STK25: variants seen among roughly 807,000 people sequenced by gnomAD.
The protein encoded by STK25 is serine/threonine kinase 25, also known as serine/threonine-protein kinase 25.
Under a neutral mutation model 53.8 loss-of-function variants are expected in STK25, and 29 were observed. That is an observed-to-expected ratio of 0.54 (90% CI 0.40 to 0.74). The LOEUF is 0.74. STK25 is among the 30% of genes least tolerant of loss of function. The probability of loss-of-function intolerance (pLI) is 0.00; values close to 1 mark genes in which losing one functional copy is unlikely to be tolerated. For synonymous variants in STK25, 247 were observed against 238.3 expected, an observed-to-expected ratio of 1.04 and a Z score of -0.33; for missense variants, 420 against 568.0, an observed-to-expected ratio of 0.74 and a Z score of 2.65.
At chr2:241,509,148 A>G (rs950500290), upstream of STK25, 1 of 152,394 alleles carries the variant, frequency 6.6e-6, no homozygotes, top group Non-Finnish European at 1.5e-5. Context: ...AGGGCGCACC[A>G]GGCCTTGGAG....
chr2:241,499,469 G>T, intron 5 of STK25, 55 bp from the exon 6 acceptor site: 1 of 1,579,352 alleles, frequency 6.3e-7, no homozygotes, highest in Non-Finnish European at 8.6e-7. Flanking sequence ...GCTCCACCCC[G>T]GGCCCCCTGA....
chr2:241,496,513 T>C lies in STK25; in HGVS notation c.1126A>G (p.Ser376Gly). Residue 376 changes from serine to glycine, a missense_variant, in exon 11 of 12, where the codon AGC becomes GGC. Physicochemically the swap from Ser to Gly is moderately conservative, Grantham distance 56 (BLOSUM62 0). Coordinates refer to ENST00000316586, the MANE Select transcript of STK25 (RefSeq NM_001271977.2). This position sits in a 1 kb window ranked among gnomAD's most constrained non-coding sequence, Gnocchi z 5.8. The part of the protein sequence containing the change: ...FGELKEKHKQ[S>G]GGSVGALEEL... The stretch of plus-strand genomic sequence containing the variant: ...TCCAGCGCACCCACGCTCCCGCCGC[T>C]CTGCTTGTGCTTCTCTTTGAGCTGT... 1.9e-6 allele frequency: 3 copies of C among 1,613,642 alleles called. No homozygotes were observed. Among genetic ancestry groups the C allele is most frequent in the Non-Finnish European group, 2.5e-6 (3 of 1,179,944 alleles).
In STK25 at chr2:241,501,456, C is replaced by A. The variant is rs751805690; in HGVS notation, c.261+22G>T. On this transcript the variant is annotated intron_variant, in intron 3 of 11. Transcript: ENST00000316586. This position sits in a 1 kb window ranked among gnomAD's most constrained non-coding sequence, Gnocchi z 5.3. The stretch of plus-strand genomic sequence containing the variant: ...AGCCGGGCACAGCACCAGCAGGGTC[C>A]CCGCCTCCCCACAACAGGCACCTTT... The A allele has an allele frequency of 5.0e-6, 8 of 1,608,940 alleles. No individual in the cohort carries two copies. In the South Asian group the frequency reaches 7.7e-5, roughly 16 times the overall value.
rs759485355 is a variant in STK25 at position 241,501,691 on chromosome 2, A to G, written c.48T>C (p.Pro16=). The change falls in exon 3 of 12, where the codon CCT becomes CCC. Residue 16 remains proline (P), a synonymous_variant. Transcript: ENST00000316586. The surrounding 1 kb of genome is among the most constrained non-coding windows in gnomAD (Gnocchi z 5.3). ...GFANQHSRVD[P]EELFTKLDRI... ...GGTCGAGCTTGGTGAAGAGCTCCTC[A>G]GGGTCCACTCGAGAGTGCTGTGGGG... 2.1e-5 allele frequency: 34 copies of G among 1,613,386 alleles called. No individual in the cohort carries two copies. Among genetic ancestry groups the G allele is most frequent in the African/African-American group, 4.0e-5 (3 of 74,914 alleles).
In STK25 at chr2:241,499,425, C is replaced by A. The variant is rs765349404; in HGVS notation, c.428-11G>T. The A allele has an allele frequency of 3.7e-6, 6 of 1,611,468 alleles. No individual in the cohort carries two copies. Among genetic ancestry groups the A allele is most frequent in the Non-Finnish European group, 5.1e-6 (6 of 1,178,640 alleles). Reference sequence around the variant, plus strand: ...GTAGCACGTTGGCAGCTGCTTGACACAGGACAGGCAGGCGTCATCCCAGGC... The same window carrying A: ...GTAGCACGTTGGCAGCTGCTTGACAAAGGACAGGCAGGCGTCATCCCAGGC... On this transcript the variant is annotated splice_polypyrimidine_tract_variant and intron_variant, in intron 5 of 11. Coordinates refer to ENST00000316586, the MANE Select transcript of STK25 (RefSeq NM_001271977.2).
chr2:241,494,316 T>C lies in STK25; in HGVS notation c.*1346A>G. 3 of 395,984 alleles carry C rather than the reference T, an allele frequency of 7.6e-6. No individual in the cohort carries two copies. The highest frequency in any genetic ancestry group is 1.4e-5 in the Non-Finnish European group (3 of 217,030). The allele number at this position is 395,984 out of a possible 1,614,324, so 24.5% of individuals were successfully genotyped here. On this transcript the variant is annotated 3_prime_UTR_variant, in exon 12 of 12. Coordinates refer to ENST00000316586, the MANE Select transcript of STK25 (RefSeq NM_001271977.2). The surrounding 1 kb of genome is among the most constrained non-coding windows in gnomAD (Gnocchi z 4.9). ...ATCCCCCCACCCAGGACCTAGTGCATGCCAGCAGCTATCTGGGGCCCTGGG... is the reference window on the plus strand; with the variant it reads ...ATCCCCCCACCCAGGACCTAGTGCACGCCAGCAGCTATCTGGGGCCCTGGG...
intron 1 of STK25, 63 bp downstream of exon 1, chr2:241,508,380 C>CCCAA: frequency 8.9e-7 from 1 of 1,120,024 alleles, no homozygotes; most frequent in Non-Finnish European, 1.1e-6. Flanking sequence ...GAGCCCCGCC[C>CCCAA]CGGGCCCCTC....
chr2:241,496,622 G>C lies in STK25; in HGVS notation c.1105-88C>G. On this transcript the variant is annotated intron_variant, in intron 10 of 11. Coordinates refer to ENST00000316586, the MANE Select transcript of STK25 (RefSeq NM_001271977.2). The surrounding 1 kb of genome is among the most constrained non-coding windows in gnomAD (Gnocchi z 5.8). Reference sequence around the variant, plus strand: ...TTTGCTCGGCCACAGTGATGCCGGAGGCCTTCAGGGCTCTCGCCTAGGAGC... The same window carrying C: ...TTTGCTCGGCCACAGTGATGCCGGACGCCTTCAGGGCTCTCGCCTAGGAGC... 1 of 1,459,798 alleles carries C rather than the reference G, an allele frequency of 6.9e-7. No homozygotes were observed. The highest frequency in any genetic ancestry group is 9.3e-7 in the Non-Finnish European group (1 of 1,079,850). The allele number at this position is 1,459,798 out of a possible 1,614,324, so 90.4% of individuals were successfully genotyped here. A position where few individuals can be genotyped will look rare whatever the true frequency, so the allele number is the denominator to read the frequency against.
At position 241,498,653 on chromosome 2, in the gene STK25, A is replaced by G. The variant is rs2065324290; in HGVS notation, c.903T>C (p.Ser301=). ...CAGGTCCCTACATGTCAGAGTCCTC[A>G]GAGCTGGACTCCTCGCCATGCCCCT... ...KSEGHGEESS[S]EDSDIDGEAE... Residue 301 remains serine (S), a synonymous_variant, in exon 8 of 12, where the codon TCT becomes TCC. Coordinates refer to ENST00000316586, the MANE Select transcript of STK25 (RefSeq NM_001271977.2). 1 of 1,613,778 alleles carries G rather than the reference A, an allele frequency of 6.2e-7. No homozygotes were observed. Among genetic ancestry groups the G allele is most frequent in the Admixed American group, 1.7e-5 (1 of 59,976 alleles).
chr2:241,500,663 C>T, intron 4 of STK25, 77 bp downstream of exon 4: 10 of 1,451,754 alleles, frequency 6.9e-6, no homozygotes, highest in Non-Finnish European at 9.5e-6. Context: ...CGAGAGGTGG[C>T]CCCTGGAGCC....
Position 241,493,811 on chromosome 2 carries a change from G to A in STK25, c.*1851C>T. 1 of 511,862 alleles carries A rather than the reference G, an allele frequency of 2.0e-6. No individual in the cohort carries two copies. The highest frequency in any genetic ancestry group is 3.5e-6 in the Non-Finnish European group (1 of 285,942). 31.7% of individuals were successfully genotyped at this position (511,862 alleles called of 1,614,324 possible). A position where few individuals can be genotyped will look rare whatever the true frequency, so the allele number is the denominator to read the frequency against. On this transcript the variant is annotated 3_prime_UTR_variant, in exon 12 of 12. Coordinates refer to ENST00000316586, the MANE Select transcript of STK25 (RefSeq NM_001271977.2). ...AGGGTTTCACCATGTTGGCCAGGCT[G>A]GTCTCGAACTCCTGACCTCAAGTGA...
intron 4 of STK25, 80 bp from the exon 5 acceptor site, chr2:241,500,361 A>ACAGCCCTTCCCTGTG: frequency 2.0e-6 from 2 of 1,006,420 alleles, no homozygotes; most frequent in Non-Finnish European, 3.1e-6. Flanking sequence ...TCTCACAGGG[A>ACAGCCCTTCCCTGTG]AGGGCTGTCC....
At chr2:241,500,827 GGCA>G in intron 3 of STK25, 31 bp from the exon 4 acceptor site, 1 of 1,611,014 alleles carries the variant, frequency 6.2e-7, no homozygotes, top group Non-Finnish European at 8.5e-7. Context: ...ATCAGCATTT[GGCA>G]GCAAGAGGAA....
In STK25 at chr2:241,508,566, G is replaced by A; in HGVS notation, c.-224C>T. ...CAGCCCGCGAAGCAACGGTGGTGGCGGCAGCGACCGGAGAAAGCCCGGAGG... is the reference window on the plus strand; with the variant it reads ...CAGCCCGCGAAGCAACGGTGGTGGCAGCAGCGACCGGAGAAAGCCCGGAGG... On this transcript the variant is annotated 5_prime_UTR_variant, in exon 1 of 12. Transcript: ENST00000316586. 1.0e-6 allele frequency: 1 copy of A among 991,884 alleles called. No homozygotes were observed. Among genetic ancestry groups the A allele is most frequent in the Non-Finnish European group, 1.2e-6 (1 of 833,718 alleles). 61.4% of individuals were successfully genotyped at this position (991,884 alleles called of 1,614,324 possible). A position where few individuals can be genotyped will look rare whatever the true frequency, so the allele number is the denominator to read the frequency against.
rs573860469 is a variant in STK25, at chr2:241,493,192, G to A, written c.*2470C>T. On this transcript the variant is annotated 3_prime_UTR_variant, in exon 12 of 12. Coordinates refer to ENST00000316586, the MANE Select transcript of STK25 (RefSeq NM_001271977.2). Reference sequence around the variant, plus strand: ...ACAGGGAAACTGGCTCCCTTGGCCCGTGGGCATTTGTACGTGCCACCGTTG... The same window carrying A: ...ACAGGGAAACTGGCTCCCTTGGCCCATGGGCATTTGTACGTGCCACCGTTG... 34 of 1,383,472 alleles carry A rather than the reference G, an allele frequency of 2.5e-5. No individual in the cohort carries two copies. The East Asian group carries it at 3.5e-4, about 14-fold the overall frequency. The allele number at this position is 1,383,472 out of a possible 1,614,324, so 85.7% of individuals were successfully genotyped here.
At position 241,496,630 on chromosome 2, in the gene STK25, G is replaced by A. The variant is rs2065177278; in HGVS notation, c.1105-96C>T. ...GCCACAGTGATGCCGGAGGCCTTCA[G>A]GGCTCTCGCCTAGGAGCCACACCCG... is the stretch of plus-strand genomic sequence containing the variant. On this transcript the variant is annotated intron_variant, in intron 10 of 11. Coordinates refer to ENST00000316586, the MANE Select transcript of STK25 (RefSeq NM_001271977.2). This position sits in a 1 kb window ranked among gnomAD's most constrained non-coding sequence, Gnocchi z 5.8. 5.6e-6 allele frequency: 8 copies of A among 1,428,930 alleles called. No homozygotes were observed. The highest frequency in any genetic ancestry group is 2.1e-5 in the Admixed American group (1 of 47,754). 88.5% of individuals were successfully genotyped at this position (1,428,930 alleles called of 1,614,324 possible). A position where few individuals can be genotyped will look rare whatever the true frequency, so the allele number is the denominator to read the frequency against.
intron 2 of STK25, among the ~76,000 whole-genome samples, chr2:241,502,693 C>T (rs967724146): frequency 5.3e-5 from 8 of 151,846 alleles, no homozygotes; most frequent in South Asian, 2.1e-4. Context: ...GAGCCGAGAT[C>T]GCACCATCGC....
At chr2:241,498,814 T>C (rs758728667) in intron 7 of STK25, 30 bp from the exon 8 acceptor site, 15 of 1,612,798 alleles carry the variant, frequency 9.3e-6, no homozygotes, top group African/African-American at 1.3e-5. Context: ...CACTAGTCAC[T>C]GGGCCCAGCC....
At position 241,493,022 on chromosome 2, in the gene STK25, T is replaced by C; in HGVS notation, c.*2640A>G. On this transcript the variant is annotated 3_prime_UTR_variant, in exon 12 of 12. Coordinates refer to ENST00000316586, the MANE Select transcript of STK25 (RefSeq NM_001271977.2). ...CTTTACCAACTTCTGTTTGTTCTTC[T>C]ACAAAACTCATCAGGTACTGGAGTT... The C allele has an allele frequency of 1.3e-6, 2 of 1,594,768 alleles. No homozygotes were observed. Among genetic ancestry groups the C allele is most frequent in the Non-Finnish European group, 1.7e-6 (2 of 1,162,366 alleles).
Sources: gnomAD v4.1 joint callset for allele counts (sites outside exome capture counted in the v4.1 genomes callset) on GRCh38, gnomAD v4.1.1 for gene constraint, Gnocchi (gnomAD v3.1) non-coding constraint, MANE v1.5 for transcripts, NCBI Gene and HGNC (gene_info 2026-07-23, HGNC 2026-07-21) for gene names.